The following HS3ST3A1 variants were observed in gnomAD, a reference collection of about 807,000 sequenced individuals.
The protein encoded by HS3ST3A1 is heparan sulfate glucosamine 3-O-sulfotransferase 3A1.
Under a neutral mutation model 25.7 loss-of-function variants are expected in HS3ST3A1, and 19 were observed. The ratio of observed to expected loss-of-function variants is 0.74; its 90% CI spans 0.52 to 1.08. The LOEUF (loss-of-function observed/expected upper bound fraction) is 1.08, where lower values mean the gene tolerates loss of function less well. Ranked by LOEUF, HS3ST3A1 falls within the 50% of genes least tolerant of loss-of-function variation. The probability of loss-of-function intolerance (pLI) is 0.00; values close to 1 mark genes in which losing one functional copy is unlikely to be tolerated. For synonymous variants in HS3ST3A1, 226 were observed against 278.6 expected (o/e 0.81, Z 1.88); for missense variants, 459 against 594.3 (o/e 0.77, Z 2.37).
At chr17:13,515,220 C>A (rs1209069598) in intron 1 of HS3ST3A1, among the ~76,000 whole-genome samples, 1 of 152,174 alleles carries the variant, frequency 6.6e-6, no homozygotes, top group Non-Finnish European at 1.5e-5. Context: ...GAGTGCAGGG[C>A]ACTATCTTGG....
intron 1 of HS3ST3A1, among the ~76,000 whole-genome samples, chr17:13,512,305 C>CAAAAAAAAAAAAAAAAAAAAA (rs67523378): frequency 6.1e-5 from 5 of 82,096 alleles, no homozygotes; most frequent in African/African-American, 3.0e-4. Context: ...GACTCCGTCT[C>CAAAAAAAAAAAAAAAAAAAAA]AAAAAAAAAA....
chr17:13,576,636 A>G (rs1907954558), intron 1 of HS3ST3A1, among the ~76,000 whole-genome samples: 2 of 152,242 alleles, frequency 1.3e-5, no homozygotes, highest in Non-Finnish European at 2.9e-5. Context: ...CTTTGTGGAC[A>G]TATCTGGAAG....
At chr17:13,559,510 T>C (rs1367529620) in intron 1 of HS3ST3A1, among the ~76,000 whole-genome samples, 1 of 148,988 alleles carries the variant, frequency 6.7e-6, no homozygotes, top group African/African-American at 2.4e-5. Flanking sequence ...CATATTACAT[T>C]AATTACATAT....
chr17:13,525,665 ATTCATTC>A (rs1906389156), intron 1 of HS3ST3A1, among the ~76,000 whole-genome samples: 1 of 152,152 alleles, frequency 6.6e-6, no homozygotes, highest in Non-Finnish European at 1.5e-5. Context: ...AAGGCAGGAC[ATTCATTC>A]TGATCCCTCC....
At chr17:13,503,276 C>G (rs1341505517) in intron 1 of HS3ST3A1, among the ~76,000 whole-genome samples, 1 of 151,584 alleles carries the variant, frequency 6.6e-6, no homozygotes, top group East Asian at 1.9e-4. Context: ...GGAATTAGCA[C>G]TTTTGAAGGA....
intron 1 of HS3ST3A1, among the ~76,000 whole-genome samples, chr17:13,536,867 C>T (rs938194181): frequency 2.6e-5 from 4 of 152,180 alleles, no homozygotes; most frequent in Non-Finnish European, 5.9e-5. Flanking sequence ...AGGATCCCTA[C>T]ATTTTCTTAC....
At chr17:13,598,277 A>C (rs1908634907) in intron 1 of HS3ST3A1, among the ~76,000 whole-genome samples, 1 of 152,122 alleles carries the variant, frequency 6.6e-6, no homozygotes, top group East Asian at 1.9e-4. Context: ...TTTTTTTCAT[A>C]GACGAGCCTT....
intron 1 of HS3ST3A1, among the ~76,000 whole-genome samples, chr17:13,510,186 C>T (rs1379773405): frequency 6.6e-6 from 1 of 152,290 alleles, no homozygotes; most frequent in Middle Eastern, 3.4e-3. Flanking sequence ...ACAGCAAACC[C>T]CACATCTAGG....
rs1344933399 is a variant in HS3ST3A1 at position 13,495,943 on chromosome 17, T to G, written c.*254A>C. Reference sequence around the variant, plus strand: ...ACAACTGATGCTTATACTTTATGACTGGGTATATAGAACATAAAATAAAAA... The same window carrying G: ...ACAACTGATGCTTATACTTTATGACGGGGTATATAGAACATAAAATAAAAA... On this transcript the variant is annotated 3_prime_UTR_variant, in exon 2 of 2. Coordinates refer to ENST00000284110, the MANE Select transcript of HS3ST3A1 (RefSeq NM_006042.3). The G allele has an allele frequency of 2.7e-6, 1 of 373,980 alleles. No homozygotes were observed. Among genetic ancestry groups the G allele is most frequent in the African/African-American group, 2.1e-5 (1 of 47,890 alleles). The allele number at this position is 373,980 out of a possible 1,614,324, so 23.2% of individuals were successfully genotyped here. A position where few individuals can be genotyped will look rare whatever the true frequency, so the allele number is the denominator to read the frequency against.
At chr17:13,549,062 C>T (rs1444245783) in intron 1 of HS3ST3A1, among the ~76,000 whole-genome samples, 2 of 152,186 alleles carry the variant, frequency 1.3e-5, no homozygotes, top group African/African-American at 2.4e-5. Context: ...CACAATAAAT[C>T]TTGCTGTTGC....
intron 1 of HS3ST3A1, among the ~76,000 whole-genome samples, chr17:13,564,334 G>T (rs1907623631): frequency 6.6e-6 from 1 of 152,144 alleles, no homozygotes; most frequent in South Asian, 2.1e-4. Context: ...TCCAATCTGA[G>T]ACTCCTTTAG....
chr17:13,523,072 T>C (rs1363680534), intron 1 of HS3ST3A1, among the ~76,000 whole-genome samples: 1 of 152,084 alleles, frequency 6.6e-6, no homozygotes, highest in Non-Finnish European at 1.5e-5. Flanking sequence ...TGAGAAGTTA[T>C]ACAAGCTAGG....
At chr17:13,587,189 T>C (rs182727014) in intron 1 of HS3ST3A1, among the ~76,000 whole-genome samples, 1 of 151,498 alleles carries the variant, frequency 6.6e-6, no homozygotes, top group East Asian at 2.0e-4. Flanking sequence ...GGCACGGTGG[T>C]TCACGCCTGT....
At chr17:13,525,350 A>G (rs1044369677) in intron 1 of HS3ST3A1, among the ~76,000 whole-genome samples, 1 of 152,112 alleles carries the variant, frequency 6.6e-6, no homozygotes, top group African/African-American at 2.4e-5. Flanking sequence ...TATTAGGCTA[A>G]TGCTTTCTGA....
At chr17:13,533,775 A>G (rs994846531) in intron 1 of HS3ST3A1, among the ~76,000 whole-genome samples, 10 of 152,308 alleles carry the variant, frequency 6.6e-5, no homozygotes, top group African/African-American at 2.4e-4. Flanking sequence ...ATCATAGTCT[A>G]GAGTATAAAG....
chr17:13,596,647 C>T (rs1908586175), intron 1 of HS3ST3A1, among the ~76,000 whole-genome samples: 1 of 152,092 alleles, frequency 6.6e-6, no homozygotes. Context: ...TCTTCCTAGC[C>T]CTCATCTATT....
intron 1 of HS3ST3A1, among the ~76,000 whole-genome samples, chr17:13,498,469 C>G (rs1191527714): frequency 6.6e-6 from 1 of 152,192 alleles, no homozygotes; most frequent in Admixed American, 6.5e-5. Flanking sequence ...TTCCCCAAAG[C>G]CAGCCATAAA....
At position 13,495,987 on chromosome 17, in the gene HS3ST3A1, T is replaced by A. The variant is rs1905252500; in HGVS notation, c.*210A>T. On this transcript the variant is annotated 3_prime_UTR_variant, in exon 2 of 2. Coordinates refer to ENST00000284110, the MANE Select transcript of HS3ST3A1 (RefSeq NM_006042.3). ...ATAAAAACTGAAAATTGAAAGTGTT[T>A]AGACGAGTGAAATTTTCCTTTTCTG... The A allele has an allele frequency of 3.7e-6, 2 of 547,904 alleles. No individual in the cohort carries two copies. The highest frequency in any genetic ancestry group is 6.1e-6 in the Non-Finnish European group (2 of 328,820). 33.9% of individuals were successfully genotyped at this position (547,904 alleles called of 1,614,324 possible).
chr17:13,552,249 T>G (rs1397834738), intron 1 of HS3ST3A1, among the ~76,000 whole-genome samples: 1 of 152,034 alleles, frequency 6.6e-6, no homozygotes, highest in Non-Finnish European at 1.5e-5. Context: ...CCTGCTAATT[T>G]TTTGTGTATT....
Sources: allele counts gnomAD v4.1 joint callset (sites outside exome capture counted in the v4.1 genomes callset), GRCh38; gene constraint gnomAD v4.1.1; transcripts MANE v1.5; gene names NCBI Gene and HGNC (gene_info 2026-07-23, HGNC 2026-07-21).